PCDHGA2: variants seen among roughly 807,000 people sequenced by gnomAD.
PCDHGA2 encodes the protein protocadherin gamma-A2.
PCDHGA2 carries 40 observed loss-of-function variants against 59.2 expected under a neutral mutation model. The observed-to-expected ratio is 0.68, with a 90% CI of 0.52 to 0.88. The LOEUF is 0.88. Among genes scored for constraint, PCDHGA2 ranks in the 40% least tolerant of loss-of-function variants. PCDHGA2 has a pLI of 0.00. For synonymous variants in PCDHGA2, 560 were observed against 526.0 expected, an observed-to-expected ratio of 1.06 and a Z score of -0.89; for missense variants, 1,226 against 1,204.0, an observed-to-expected ratio of 1.02 and a Z score of -0.27.
At position 141,486,548 on chromosome 5, in the gene PCDHGA2, T is replaced by C; in HGVS notation, c.2425-8259T>C. 1 of 1,614,100 alleles carries C rather than the reference T, an allele frequency of 6.2e-7. No individual in the cohort carries two copies. ...TAATCCACCCTCTTTCTTTCAGAGG[T>C]CACATGAGGTGTTTGTTCCTGAGAA... is the stretch of plus-strand genomic sequence containing the variant. On this transcript the variant is annotated intron_variant, in intron 1 of 3. Coordinates refer to ENST00000394576, the MANE Select transcript of PCDHGA2 (RefSeq NM_018915.4). The surrounding 1 kb of genome is among the most constrained non-coding windows in gnomAD (Gnocchi z 5.0).
At position 141,340,747 on chromosome 5, in the gene PCDHGA2, G is replaced by A. The variant is rs890843196; in HGVS notation, c.1776G>A (p.Val592=). The change falls in exon 1 of 4, where the codon GTG becomes GTA. Residue 592 remains valine (V), a synonymous_variant. Transcript: ENST00000394576. ...AEPGYLVTKV[V]AVDRDSGQNA... is the part of the protein sequence containing the mutation. ...CCGGCTACCTGGTGACCAAGGTGGT[G>A]GCGGTGGACAGAGACTCGGGCCAGA... The A allele has an allele frequency of 6.2e-7, 1 of 1,614,084 alleles. No individual in the cohort carries two copies. Among genetic ancestry groups the A allele is most frequent in the Non-Finnish European group, 8.5e-7 (1 of 1,180,036 alleles).
At chr5:141,365,584 T>C (rs778067515) in intron 1 of PCDHGA2, 1 of 1,613,724 alleles carries the variant, frequency 6.2e-7, no homozygotes. Context: ...CTTCAGATTA[T>C]AATATCACTT....
intron 1 of PCDHGA2, chr5:141,342,423 C>G (rs1381474253): frequency 1.3e-5 from 2 of 152,138 alleles, no homozygotes; most frequent in Non-Finnish European, 1.5e-5. Context: ...CACTAATGTT[C>G]TATGTAACTG....
In PCDHGA2 at chr5:141,432,872, C is replaced by A. The variant is rs73280906; in HGVS notation, c.2425-61935C>A. The stretch of plus-strand genomic sequence containing the variant: ...GGTGGCCGCGGTCTCCTGCGTCTTC[C>A]TGGCCTTCGTCATCTTGCTGCTGGC... On this transcript the variant is annotated intron_variant, in intron 1 of 3. Transcript: ENST00000394576. The surrounding 1 kb of genome is among the most constrained non-coding windows in gnomAD (Gnocchi z 6.0). 2,361 of 1,614,192 alleles carry A rather than the reference C, an allele frequency of 1.5e-3. 32 individuals carry two copies. In the African/African-American group the frequency reaches 0.028, roughly 19 times the overall value.
At chr5:141,361,233 C>T (rs1266504186) in intron 1 of PCDHGA2, 5 of 1,613,834 alleles carry the variant, frequency 3.1e-6, no homozygotes, top group Non-Finnish European at 4.2e-6. Context: ...GAACAGTGAT[C>T]GCCTTGATAA....
At chr5:141,400,165 C>T (rs749867110) in intron 1 of PCDHGA2, 2 of 1,614,040 alleles carry the variant, frequency 1.2e-6, no homozygotes, top group South Asian at 2.2e-5. Flanking sequence ...ACCCTCTGAC[C>T]CCCAGGCTGA....
At chr5:141,363,790 T>C (rs1763065871) in intron 1 of PCDHGA2, among the ~76,000 whole-genome samples, 1 of 152,218 alleles carries the variant, frequency 6.6e-6, no homozygotes, top group Non-Finnish European at 1.5e-5. Flanking sequence ...TTTATCCTAA[T>C]AAGGAGATGA....
intron 1 of PCDHGA2, among the ~76,000 whole-genome samples, chr5:141,457,015 A>T (rs1216403373): frequency 6.6e-6 from 1 of 152,182 alleles, no homozygotes; most frequent in Admixed American, 6.5e-5. Context: ...AATCCAATAA[A>T]AAGTCCTAGT....
Position 141,476,755 on chromosome 5 carries a change from G to A in PCDHGA2, c.2425-18052G>A, listed in dbSNP as rs1307512875. The stretch of plus-strand genomic sequence containing the variant: ...AACGGGAGCCTAGTCTCCAGTTAGT[G>A]CTGACGGCGTTGGACGGAGGGACCC... On this transcript the variant is annotated intron_variant, in intron 1 of 3. Coordinates refer to ENST00000394576, the MANE Select transcript of PCDHGA2 (RefSeq NM_018915.4). This position sits in a 1 kb window ranked among gnomAD's most constrained non-coding sequence, Gnocchi z 7.6. 1.2e-6 allele frequency: 2 copies of A among 1,613,828 alleles called. No homozygotes were observed. Among genetic ancestry groups the A allele is most frequent in the Non-Finnish European group, 1.7e-6 (2 of 1,180,036 alleles).
At chr5:141,393,528 G>A in intron 1 of PCDHGA2, 7 of 1,613,988 alleles carry the variant, frequency 4.3e-6, no homozygotes, top group East Asian at 4.5e-5. Context: ...AAATGACAAT[G>A]CCCCGGTTTT....
intron 1 of PCDHGA2, chr5:141,410,167 T>C (rs372848702): frequency 6.2e-7 from 1 of 1,613,652 alleles, no homozygotes; most frequent in African/African-American, 1.3e-5. Context: ...CGCCACTCTC[T>C]GCCACCGCCA....
intron 1 of PCDHGA2, among the ~76,000 whole-genome samples, chr5:141,460,758 C>T (rs1292050905): frequency 6.6e-6 from 1 of 150,582 alleles, no homozygotes; most frequent in African/African-American, 2.4e-5. Context: ...TGTACATATA[C>T]ATATTGCATA....
In PCDHGA2 at chr5:141,490,889, T is replaced by G. The variant is rs568838001; in HGVS notation, c.2425-3918T>G. The G allele has an allele frequency of 6.2e-7, 1 of 1,613,406 alleles. No homozygotes were observed. Among genetic ancestry groups the G allele is most frequent in the Non-Finnish European group, 8.5e-7 (1 of 1,179,428 alleles). ...CCCCCATTGCATGCCAACACATCTCTGCATGTGTTTGTCCTAGACGAGAAT... is the reference window on the plus strand; with the variant it reads ...CCCCCATTGCATGCCAACACATCTCGGCATGTGTTTGTCCTAGACGAGAAT... On this transcript the variant is annotated intron_variant, in intron 1 of 3. Coordinates refer to ENST00000394576, the MANE Select transcript of PCDHGA2 (RefSeq NM_018915.4). This position sits in a 1 kb window ranked among gnomAD's most constrained non-coding sequence, Gnocchi z 5.4.
intron 1 of PCDHGA2, chr5:141,356,597 CCA>C (rs1177164623): frequency 1.2e-6 from 2 of 1,614,034 alleles, no homozygotes; most frequent in East Asian, 4.5e-5. Context: ...GAAAACAACC[CCA>C]GAGGAGCCTC....
Position 141,489,934 on chromosome 5 carries a change from G to A in PCDHGA2, c.2425-4873G>A, listed in dbSNP as rs777780708. 1.7e-5 allele frequency: 28 copies of A among 1,614,176 alleles called. No homozygotes were observed. Among genetic ancestry groups the A allele is most frequent in the East Asian group, 6.7e-5 (3 of 44,876 alleles). On this transcript the variant is annotated intron_variant, in intron 1 of 3. Coordinates refer to ENST00000394576, the MANE Select transcript of PCDHGA2 (RefSeq NM_018915.4). This position sits in a 1 kb window ranked among gnomAD's most constrained non-coding sequence, Gnocchi z 4.5. ...AGGGACCACCCTTATCTCTGTCATCGTGCTGGACATCAATGATAATGCTCC... is the reference window on the plus strand; with the variant it reads ...AGGGACCACCCTTATCTCTGTCATCATGCTGGACATCAATGATAATGCTCC...
chr5:141,372,131 G>A lies in PCDHGA2; in HGVS notation c.2424+30736G>A, dbSNP rs181587030. 4.2e-4 allele frequency: 682 copies of A among 1,613,644 alleles called. 9 individuals are homozygous for A. The East Asian group carries it at 8.2e-3, about 19-fold the overall frequency. On this transcript the variant is annotated intron_variant, in intron 1 of 3. Transcript: ENST00000394576. ...GCTCTGCGCTCTTCGATATGGTGCCGCGCTCTGCAGAGCCTGGCTACCTGG... is the reference window on the plus strand; with the variant it reads ...GCTCTGCGCTCTTCGATATGGTGCCACGCTCTGCAGAGCCTGGCTACCTGG...
intron 3 of PCDHGA2, among the ~76,000 whole-genome samples, chr5:141,509,801 T>C (rs556629445): frequency 2.6e-5 from 4 of 152,140 alleles, no homozygotes; most frequent in South Asian, 2.1e-4. Flanking sequence ...CTCAGCTTCA[T>C]AGAGCCGAGC....
At chr5:141,344,512 C>T (rs1412560848) in intron 1 of PCDHGA2, 2 of 1,613,836 alleles carry the variant, frequency 1.2e-6, no homozygotes, top group African/African-American at 2.7e-5. Flanking sequence ...GCTTTTGACC[C>T]AGATGTAGGC....
intron 1 of PCDHGA2, among the ~76,000 whole-genome samples, chr5:141,454,491 C>T (rs956727548): frequency 6.6e-6 from 1 of 152,194 alleles, no homozygotes; most frequent in South Asian, 2.1e-4. Context: ...ACCGCAACCT[C>T]CACCTCCTGG....
Sources: gnomAD v4.1 joint callset for allele counts (sites outside exome capture counted in the v4.1 genomes callset) on GRCh38, gnomAD v4.1.1 for gene constraint, Gnocchi (gnomAD v3.1) non-coding constraint, MANE v1.5 for transcripts, NCBI Gene and HGNC (gene_info 2026-07-23, HGNC 2026-07-21) for gene names.